The following DECR1 variants were observed in gnomAD, a reference collection of about 807,000 sequenced individuals.
DECR1 encodes 2,4-dienoyl-CoA reductase 1.
In DECR1, 44 loss-of-function variants were observed where a neutral mutation model predicts 38.8. The observed-to-expected ratio is 1.13, with a 90% CI of 0.89 to 1.46. DECR1 has a LOEUF of 1.46. Ranked by LOEUF, DECR1 falls within the 40% of genes most tolerant of loss-of-function variation. The probability of loss-of-function intolerance (pLI) is 0.00; values close to 1 mark genes in which losing one functional copy is unlikely to be tolerated. For synonymous variants in DECR1, 148 were observed against 135.2 expected, an observed-to-expected ratio of 1.09 and a Z score of -0.66; for missense variants, 428 against 405.5, an observed-to-expected ratio of 1.06 and a Z score of -0.48.
At chr8:90,047,316 C>T (rs7823833) in intron 8 of DECR1, among the ~76,000 whole-genome samples, 11,847 of 151,524 alleles carry the variant, frequency 0.078, 1,427 homozygotes, top group African/African-American at 0.26. Context: ...CACATAGGCT[C>T]AAAATAAAGG....
At chr8:90,046,042 C>T (rs948174331) in intron 8 of DECR1, among the ~76,000 whole-genome samples, 2 of 152,208 alleles carry the variant, frequency 1.3e-5, no homozygotes, top group African/African-American at 4.8e-5. Flanking sequence ...ATGTCACCAT[C>T]ACGAAAGACC....
chr8:90,042,653 G>T lies in DECR1; in HGVS notation c.666-75G>T, dbSNP rs911168200. 5.6e-6 allele frequency: 7 copies of T among 1,245,614 alleles called. No homozygotes were observed. The African/African-American group carries it at 8.9e-5, about 16-fold the overall frequency. 77.2% of individuals were successfully genotyped at this position (1,245,614 alleles called of 1,614,324 possible). ...ATCTCTGGCATGTAGTAAGCATCTA[G>T]TGAGTCTCAGTTATTACTGTCTTTA... is the stretch of plus-strand genomic sequence containing the variant. On this transcript the variant is annotated intron_variant, in intron 6 of 9. Transcript: ENST00000220764.
intron 7 of DECR1, among the ~76,000 whole-genome samples, chr8:90,043,611 T>G (rs565767805): frequency 8.9e-5 from 13 of 146,678 alleles, no homozygotes; most frequent in African/African-American, 3.4e-4. Context: ...TAAAGGACTT[T>G]TGGGTTATAG....
intron 5 of DECR1, 78 bp from the exon 6 acceptor site, chr8:90,036,763 A>G: frequency 1.1e-6 from 1 of 948,302 alleles, no homozygotes; most frequent in Non-Finnish European, 1.6e-6. Flanking sequence ...ATCAGATCCC[A>G]TTTTTATAAA....
intron 6 of DECR1, among the ~76,000 whole-genome samples, chr8:90,039,489 T>A (rs1813696814): frequency 1.3e-5 from 2 of 152,274 alleles, no homozygotes; most frequent in South Asian, 4.1e-4. Context: ...AAAACTGTCT[T>A]CAGGATTCAG....
chr8:90,019,789 A>C (rs1813105199), intron 4 of DECR1, among the ~76,000 whole-genome samples: 1 of 152,236 alleles, frequency 6.6e-6, no homozygotes, highest in Non-Finnish European at 1.5e-5. Context: ...TCCCTAGGAA[A>C]ATGCCAGTTC....
At chr8:90,024,515 T>C (rs1813274283) in intron 5 of DECR1, among the ~76,000 whole-genome samples, 1 of 152,262 alleles carries the variant, frequency 6.6e-6, no homozygotes, top group Admixed American at 6.5e-5. Flanking sequence ...ATAAATGTCT[T>C]CTTTTGAGAA....
intron 5 of DECR1, among the ~76,000 whole-genome samples, chr8:90,023,186 G>A (rs146722305): frequency 1.3e-4 from 20 of 152,286 alleles, no homozygotes; most frequent in African/African-American, 4.6e-4. Context: ...ATTCCTATCA[G>A]CAGTGTTTTG....
rs761481045 is a variant in DECR1 at position 90,017,081 on chromosome 8, G to A, written c.70-43G>A. ...GTTTTAAAAAATTCATCTGTTTTTT[G>A]GAAATATATGTATGCAAATTTAAAT... On this transcript the variant is annotated intron_variant, in intron 1 of 9. Transcript: ENST00000220764. The A allele has an allele frequency of 1.3e-5, 18 of 1,420,486 alleles. No homozygotes were observed. The East Asian group carries it at 3.9e-4, about 31-fold the overall frequency. The allele number at this position is 1,420,486 out of a possible 1,614,324, so 88.0% of individuals were successfully genotyped here. A position where few individuals can be genotyped will look rare whatever the true frequency, so the allele number is the denominator to read the frequency against.
At chr8:90,009,351 T>C (rs1201236916) in intron 1 of DECR1, among the ~76,000 whole-genome samples, 3 of 152,220 alleles carry the variant, frequency 2.0e-5, no homozygotes, top group Non-Finnish European at 4.4e-5. Flanking sequence ...TGCTGATGAC[T>C]CTATTTAAAG....
chr8:90,004,396 A>G (rs1812691071), intron 1 of DECR1, among the ~76,000 whole-genome samples: 1 of 152,170 alleles, frequency 6.6e-6, no homozygotes, highest in Non-Finnish European at 1.5e-5. Context: ...TAAAATCACT[A>G]TTTTTAGAAA....
In DECR1 at chr8:90,022,191, G is replaced by A. The variant is rs573623679; in HGVS notation, c.565+1135G>A. On this transcript the variant is annotated intron_variant, in intron 5 of 9. Transcript: ENST00000220764. ...CAGAGGATGTCCTTTGAGGGTTGAG[G>A]GGAGGAAAGAGGGCATGGAGCTGGC... Among the ~76,000 whole-genome samples the A allele has an allele frequency of 9.2e-5, 14 of 152,240 alleles. No homozygotes were observed. The South Asian group carries it at 2.5e-3, about 27-fold the overall frequency.
intron 2 of DECR1, among the ~76,000 whole-genome samples, chr8:90,017,626 TAAA>T (rs1813043319): frequency 1.3e-5 from 2 of 152,280 alleles, no homozygotes; most frequent in South Asian, 4.1e-4. Context: ...AAGATGAAGT[TAAA>T]AAGTACGACA....
chr8:90,019,031 A>T, intron 3 of DECR1, 55 bp from the exon 4 acceptor site: 1 of 1,590,546 alleles, frequency 6.3e-7, no homozygotes, highest in Non-Finnish European at 8.6e-7. Flanking sequence ...TAATTTGTTC[A>T]TGCGTTTGGT....
intron 1 of DECR1, among the ~76,000 whole-genome samples, chr8:90,009,393 T>A (rs1175497924): frequency 6.6e-6 from 1 of 152,162 alleles, no homozygotes; most frequent in Non-Finnish European, 1.5e-5. Context: ...CTCTGCCTTA[T>A]TTTTTCCCCA....
chr8:90,044,759 A>G (rs1813842621), intron 7 of DECR1, 90 bp from the exon 8 acceptor site: 1 of 1,274,176 alleles, frequency 7.8e-7, no homozygotes, highest in Admixed American at 2.3e-5. Context: ...GCTGCATGGC[A>G]GCATGCCATT....
chr8:90,019,271 A>G, intron 4 of DECR1, 99 bp downstream of exon 4: 1 of 1,009,292 alleles, frequency 9.9e-7, no homozygotes, highest in Non-Finnish European at 1.5e-6. Context: ...CTGATGTAGG[A>G]CAGGCAAGCC....
intron 5 of DECR1, among the ~76,000 whole-genome samples, chr8:90,024,401 A>T (rs1004193298): frequency 1.6e-4 from 24 of 152,248 alleles, no homozygotes; most frequent in Non-Finnish European, 2.9e-4. Context: ...CTTTTTAATG[A>T]TCGCCATTCT....
intron 8 of DECR1, 123 bp downstream of exon 8, chr8:90,045,118 TA>T: frequency 2.6e-6 from 2 of 784,178 alleles, no homozygotes; most frequent in Non-Finnish European, 4.0e-6. Flanking sequence ...TATTTAGTTG[TA>T]AATAATATAA....
Sources: gnomAD v4.1 joint callset for allele counts (sites outside exome capture counted in the v4.1 genomes callset) on GRCh38, gnomAD v4.1.1 for gene constraint, MANE v1.5 for transcripts, NCBI Gene and HGNC (gene_info 2026-07-23, HGNC 2026-07-21) for gene names.